Variants in SNX2 observed in about 807,000 individuals in gnomAD.
SNX2 encodes sorting nexin 2, also known as sorting nexin-2.
In SNX2, 25 loss-of-function variants were observed where a neutral mutation model predicts 69.9. The observed-to-expected ratio is 0.36, with a 90% CI of 0.26 to 0.50. The LOEUF is 0.50. Among genes scored for constraint, SNX2 ranks in the 20% least tolerant of loss-of-function variants. The probability of loss-of-function intolerance (pLI) is 0.97; values close to 1 mark genes in which losing one functional copy is unlikely to be tolerated. For missense variants in SNX2, 551 were observed against 613.3 expected, an observed-to-expected ratio of 0.90 and a Z score of 1.07; for synonymous variants, 229 against 200.4, an observed-to-expected ratio of 1.14 and a Z score of -1.20.
intron 1 of SNX2, among the ~76,000 whole-genome samples, chr5:122,786,178 A>G (rs1158629140): frequency 6.6e-6 from 1 of 152,120 alleles, no homozygotes; most frequent in African/African-American, 2.4e-5. Flanking sequence ...TTAGCACAAC[A>G]GCTTTCTTGT....
rs1753631647 is a variant in SNX2, at chr5:122,805,894, C to T, written c.643+2281C>T. ...CTCCCGGGTTCATGCTATTCTCCTG[C>T]CTCAGCCTCCTGAGTAGCTGGGACT... On this transcript the variant is annotated intron_variant, in intron 6 of 14. Transcript: ENST00000379516. Among the ~76,000 whole-genome samples the T allele has an allele frequency of 2.0e-5, 3 of 152,136 alleles. 1 individual carries two copies. In the South Asian group the frequency reaches 6.2e-4, roughly 32 times the overall value.
chr5:122,815,243 GTTTA>G (rs1446110562), intron 7 of SNX2, among the ~76,000 whole-genome samples: 1 of 151,984 alleles, frequency 6.6e-6, no homozygotes, highest in Non-Finnish European at 1.5e-5. Context: ...TGTGGTATTC[GTTTA>G]TTTGATTTTG....
At chr5:122,778,129 C>G (rs1752895097) in intron 1 of SNX2, among the ~76,000 whole-genome samples, 3 of 152,188 alleles carry the variant, frequency 2.0e-5, no homozygotes, top group Non-Finnish European at 4.4e-5. Flanking sequence ...CAAGCTCATC[C>G]ATGTTGTTGC....
intron 7 of SNX2, among the ~76,000 whole-genome samples, chr5:122,810,175 T>A: frequency 6.6e-6 from 1 of 150,884 alleles, no homozygotes; most frequent in Non-Finnish European, 1.5e-5. Flanking sequence ...GTGCAAGATG[T>A]GCTTTGTTAA....
At position 122,830,231 on chromosome 5, in the gene SNX2, G is replaced by T. The variant is rs1754256072; in HGVS notation, c.*583G>T. On this transcript the variant is annotated 3_prime_UTR_variant, in exon 15 of 15. Coordinates refer to ENST00000379516, the MANE Select transcript of SNX2 (RefSeq NM_003100.4). ...CCATGATTCCTTAATTATTTTAATT[G>T]ACAAAGCTGAACTCATTAAATGACT... 1 of 152,512 alleles carries T rather than the reference G, an allele frequency of 6.6e-6. No homozygotes were observed. Among genetic ancestry groups the T allele is most frequent in the East Asian group, 1.9e-4 (1 of 5,200 alleles). The allele number at this position is 152,512 out of a possible 1,614,324, so 9.4% of individuals were successfully genotyped here. A position where few individuals can be genotyped will look rare whatever the true frequency, so the allele number is the denominator to read the frequency against.
intron 5 of SNX2, 25 bp from the exon 6 acceptor site, chr5:122,803,447 T>C: frequency 6.3e-7 from 1 of 1,580,692 alleles, no homozygotes; most frequent in African/African-American, 1.4e-5. Flanking sequence ...ATTCAAAATT[T>C]GAAACACCTC....
rs958868104 is a variant in SNX2 at position 122,832,099 on chromosome 5, G to A, written c.*2451G>A. On this transcript the variant is annotated 3_prime_UTR_variant, in exon 15 of 15. Coordinates refer to ENST00000379516, the MANE Select transcript of SNX2 (RefSeq NM_003100.4). ...TGCTAATAATATAATCTTTTCATTG[G>A]ATAGGTCTGAGTTTAGCGTTTGTTT... 6.6e-6 allele frequency among the ~76,000 whole-genome samples: 1 copy of A among 152,158 alleles called. No individual in the cohort carries two copies. Among genetic ancestry groups the A allele is most frequent in the African/African-American group, 2.4e-5 (1 of 41,454 alleles).
At position 122,817,387 on chromosome 5, in the gene SNX2, A is replaced by G; in HGVS notation, c.1006+14A>G. The stretch of plus-strand genomic sequence containing the variant: ...GTCATAGAAAAGGTTTGTTTGCCTT[A>G]CTACTTACGTAGTTAGCACCATAAA... On this transcript the variant is annotated intron_variant, in intron 10 of 14. Transcript: ENST00000379516. The G allele has an allele frequency of 6.4e-7, 1 of 1,569,414 alleles. No homozygotes were observed.
chr5:122,816,997 A>G lies in SNX2; in HGVS notation c.881A>G (p.Lys294Arg). The G allele has an allele frequency of 3.7e-6, 6 of 1,612,360 alleles. No individual in the cohort carries two copies. The highest frequency in any genetic ancestry group is 5.1e-6 in the Non-Finnish European group (6 of 1,179,224). The change falls in exon 9 of 15, where the codon AAA (lysine) becomes AGA (arginine). Residue 294 changes from lysine to arginine, a missense_variant. By Grantham distance (26) the Lys-to-Arg change is conservative. Around this residue, in one of 2 missense-constraint regions of SNX2, gnomAD observed 360 missense variants for 450.4 expected, o/e 0.80. Coordinates refer to ENST00000379516, the MANE Select transcript of SNX2 (RefSeq NM_003100.4). ...AACAAGGCTGCCGACGCTGTCAACAAAATGACAATCAAGATGAATGAATCG... is the reference window on the plus strand; with the variant it reads ...AACAAGGCTGCCGACGCTGTCAACAGAATGACAATCAAGATGAATGAATCG... ...MVNKAADAVNKMTIKMNESDA... is the reference protein window; with the variant it reads ...MVNKAADAVNRMTIKMNESDA...
At position 122,799,723 on chromosome 5, in the gene SNX2, T is replaced by C. The variant is rs1753466766; in HGVS notation, c.258T>C (p.Pro86=). The C allele has an allele frequency of 3.7e-6, 6 of 1,613,646 alleles. No homozygotes were observed. The highest frequency in any genetic ancestry group is 5.1e-6 in the Non-Finnish European group (6 of 1,179,682). ...EATEEVSLDS[P]EREPILSSEP... Reference sequence around the variant, plus strand: ...CAGAAGAAGTTTCTTTGGACAGCCCTGAAAGGGAACCTATCCTATCCTCGG... The same window carrying C: ...CAGAAGAAGTTTCTTTGGACAGCCCCGAAAGGGAACCTATCCTATCCTCGG... The change falls in exon 3 of 15, where the codon CCT becomes CCC. Residue 86 remains proline (P), a synonymous_variant. Transcript: ENST00000379516.
chr5:122,821,712 C>T (rs1413434976), intron 11 of SNX2, among the ~76,000 whole-genome samples: 1 of 152,142 alleles, frequency 6.6e-6, no homozygotes, highest in Non-Finnish European at 1.5e-5. Context: ...GCCTCAGCCT[C>T]CCAAAGTGCT....
chr5:122,827,176 T>A, intron 12 of SNX2: 1 of 560,798 alleles, frequency 1.8e-6, no homozygotes, highest in Non-Finnish European at 3.2e-6. Flanking sequence ...TGAGCAAATC[T>A]GTGGAATATT....
intron 1 of SNX2, among the ~76,000 whole-genome samples, chr5:122,777,380 A>G (rs1752879321): frequency 6.6e-6 from 1 of 152,232 alleles, no homozygotes; most frequent in Admixed American, 6.5e-5. Flanking sequence ...GTCCATAGAC[A>G]ACATTGAGTT....
rs1406227662 is a variant in SNX2, at chr5:122,831,651, C to T, written c.*2003C>T. Among the ~76,000 whole-genome samples the T allele has an allele frequency of 6.6e-6, 1 of 152,098 alleles. No homozygotes were observed. Among genetic ancestry groups the T allele is most frequent in the Non-Finnish European group, 1.5e-5 (1 of 68,014 alleles). On this transcript the variant is annotated 3_prime_UTR_variant, in exon 15 of 15. Transcript: ENST00000379516. ...ATATATCAGATGCTATCTTGTTGCT[C>T]CATTAATATTGAGCAAAAGATAGGC...
chr5:122,827,801 A>G (rs1351731123), intron 14 of SNX2, 155 bp downstream of exon 14: 3 of 597,432 alleles, frequency 5.0e-6, no homozygotes, highest in East Asian at 5.7e-5. Context: ...AGGGTAAACT[A>G]ATCGGAAACT....
intron 12 of SNX2, chr5:122,826,706 AC>A: frequency 1.1e-6 from 1 of 897,522 alleles, no homozygotes; most frequent in Non-Finnish European, 1.3e-6. Context: ...AAGAGTATGT[AC>A]CAGTGTTTTG....
intron 12 of SNX2, 59 bp downstream of exon 12, chr5:122,826,252 CATAAT>C: frequency 7.3e-7 from 1 of 1,363,812 alleles, no homozygotes; most frequent in African/African-American, 2.0e-5. Flanking sequence ...TTCATATATA[CATAAT>C]TTTTCATAAT....
chr5:122,809,919 A>C (rs1753731512), intron 7 of SNX2, among the ~76,000 whole-genome samples: 1 of 151,894 alleles, frequency 6.6e-6, no homozygotes, highest in African/African-American at 2.4e-5. Flanking sequence ...AGAGAAGTTT[A>C]GGTTAGGCAT....
chr5:122,775,514 C>G, intron 1 of SNX2: 1 of 1,092,180 alleles, frequency 9.2e-7, no homozygotes, highest in Non-Finnish European at 1.1e-6. Flanking sequence ...GTCTCTTGCA[C>G]GTCCTCCTCT....
Sources: gnomAD v4.1 joint callset for allele counts (sites outside exome capture counted in the v4.1 genomes callset) on GRCh38, gnomAD v4.1.1 for gene constraint, gnomAD v4.1.1 regional missense constraint, MANE v1.5 for transcripts, NCBI Gene and HGNC (gene_info 2026-07-23, HGNC 2026-07-21) for gene names.